Variants in GRK3 observed in about 807,000 individuals in gnomAD.
The protein encoded by GRK3 is G protein-coupled receptor kinase 3.
A neutral mutation model predicts 95.7 loss-of-function variants in GRK3; 54 were observed. The ratio of observed to expected loss-of-function variants is 0.56; its 90% CI spans 0.45 to 0.71. GRK3 has a LOEUF of 0.71. Among genes scored for constraint, GRK3 ranks in the 30% least tolerant of loss-of-function variants. GRK3 has a pLI of 0.00. For missense variants in GRK3, 649 were observed against 851.2 expected, an observed-to-expected ratio of 0.76 and a Z score of 2.96; for synonymous variants, 281 against 290.8, an observed-to-expected ratio of 0.97 and a Z score of 0.34.
At chr22:25,689,861 T>C (rs2085151361) in intron 11 of GRK3, among the ~76,000 whole-genome samples, 1 of 152,222 alleles carries the variant, frequency 6.6e-6, no homozygotes, top group African/African-American at 2.4e-5. Flanking sequence ...CTGTTGTGGC[T>C]GCGCAACAGT....
At chr22:25,598,430 G>C (rs2084386911) in intron 1 of GRK3, among the ~76,000 whole-genome samples, 1 of 152,084 alleles carries the variant, frequency 6.6e-6, no homozygotes, top group Admixed American at 6.6e-5. Context: ...CCAGCACTTT[G>C]GGAGTCTGAG....
chr22:25,665,305 T>G (rs1443293160), intron 5 of GRK3, among the ~76,000 whole-genome samples: 1 of 152,240 alleles, frequency 6.6e-6, no homozygotes, highest in East Asian at 1.9e-4. Flanking sequence ...TGTCAGAATT[T>G]CAGTTTTCAT....
chr22:25,612,371 A>G (rs1365328821), intron 2 of GRK3, among the ~76,000 whole-genome samples: 1 of 152,028 alleles, frequency 6.6e-6, no homozygotes, highest in African/African-American at 2.4e-5. Context: ...TGCTATTGTG[A>G]ATGGAATTGT....
chr22:25,714,329 A>G, intron 17 of GRK3, 79 bp from the exon 18 acceptor site: 1 of 1,228,204 alleles, frequency 8.1e-7, no homozygotes, highest in Non-Finnish European at 1.1e-6. Context: ...TGATAGAGTC[A>G]CCATGGATGT....
chr22:25,636,859 TACTGATG>T (rs1285881456), intron 2 of GRK3, among the ~76,000 whole-genome samples: 1 of 152,234 alleles, frequency 6.6e-6, no homozygotes, highest in African/African-American at 2.4e-5. Context: ...GTCTGACATT[TACTGATG>T]GTGATGGTAA....
intron 18 of GRK3, among the ~76,000 whole-genome samples, chr22:25,716,933 G>A (rs975758948): frequency 6.6e-6 from 1 of 152,142 alleles, no homozygotes; most frequent in East Asian, 1.9e-4. Context: ...GCGCACGTGA[G>A]GGATCTAGGT....
At chr22:25,647,620 A>T in intron 3 of GRK3, 1 of 1,492,976 alleles carries the variant, frequency 6.7e-7, no homozygotes. Context: ...AAAATTTCAA[A>T]TAATTAACAA....
At chr22:25,625,661 G>A (rs949597481) in intron 2 of GRK3, among the ~76,000 whole-genome samples, 3 of 152,140 alleles carry the variant, frequency 2.0e-5, no homozygotes, top group East Asian at 1.9e-4. Context: ...AGGCCTAACC[G>A]TCTCCCTGTG....
chr22:25,579,769 G>A (rs1233198181), intron 1 of GRK3, among the ~76,000 whole-genome samples: 2 of 152,100 alleles, frequency 1.3e-5, no homozygotes, highest in South Asian at 2.1e-4. Flanking sequence ...ACCGAGCCTG[G>A]CCGAGGGGAC....
chr22:25,567,974 T>C (rs1220843540), intron 1 of GRK3, among the ~76,000 whole-genome samples: 3 of 152,236 alleles, frequency 2.0e-5, no homozygotes, highest in African/African-American at 7.2e-5. Flanking sequence ...GTTGACACTT[T>C]ATTCAGTTAA....
chr22:25,618,673 T>A (rs574285744), intron 2 of GRK3, among the ~76,000 whole-genome samples: 24 of 152,344 alleles, frequency 1.6e-4, no homozygotes, highest in South Asian at 8.3e-4. Context: ...TTGAATATAC[T>A]TTGGTATGTT....
chr22:25,575,451 A>C (rs1244599523), intron 1 of GRK3, among the ~76,000 whole-genome samples: 1 of 152,216 alleles, frequency 6.6e-6, no homozygotes, highest in Non-Finnish European at 1.5e-5. Context: ...GAATTGGGTC[A>C]GTATTGAAAT....
At chr22:25,714,311 TAG>T (rs2085366137) in intron 17 of GRK3, 95 bp from the exon 18 acceptor site, 1 of 998,050 alleles carries the variant, frequency 1.0e-6, no homozygotes, top group South Asian at 1.8e-5. Flanking sequence ...TCTTCCTATA[TAG>T]AGTTATGATA....
At chr22:25,600,990 G>A (rs2084405686) in intron 1 of GRK3, among the ~76,000 whole-genome samples, 2 of 152,148 alleles carry the variant, frequency 1.3e-5, no homozygotes, top group South Asian at 2.1e-4. Flanking sequence ...AAATATTCAT[G>A]TACTTAACAA....
intron 1 of GRK3, among the ~76,000 whole-genome samples, chr22:25,586,349 T>G (rs1932303571): frequency 6.6e-6 from 1 of 152,296 alleles, no homozygotes; most frequent in African/African-American, 2.4e-5. Context: ...AATTGTACAT[T>G]TTAAAATAAA....
At chr22:25,591,094 C>T (rs1932473524) in intron 1 of GRK3, among the ~76,000 whole-genome samples, 1 of 152,168 alleles carries the variant, frequency 6.6e-6, no homozygotes, top group South Asian at 2.1e-4. Context: ...ATGGGGTTCC[C>T]AGTCTCCCAT....
intron 2 of GRK3, among the ~76,000 whole-genome samples, chr22:25,641,224 A>AATGG (rs2084740370): frequency 6.6e-6 from 1 of 152,216 alleles, no homozygotes; most frequent in East Asian, 1.9e-4. Flanking sequence ...ACTGACCGAC[A>AATGG]ATGGAGATTT....
At chr22:25,582,963 C>G (rs1286256280) in intron 1 of GRK3, among the ~76,000 whole-genome samples, 5 of 152,180 alleles carry the variant, frequency 3.3e-5, no homozygotes, top group Non-Finnish European at 7.3e-5. Flanking sequence ...TGGCATGTGA[C>G]AGAGATCTCA....
At chr22:25,576,708 GA>G in intron 1 of GRK3, among the ~76,000 whole-genome samples, 1 of 152,258 alleles carries the variant, frequency 6.6e-6, no homozygotes, top group Admixed American at 6.5e-5. Flanking sequence ...CGTATTTTCA[GA>G]AAAACCTTCA....
Sources: gnomAD v4.1 joint callset for allele counts (sites outside exome capture counted in the v4.1 genomes callset) on GRCh38, gnomAD v4.1.1 for gene constraint, MANE v1.5 for transcripts, NCBI Gene and HGNC (gene_info 2026-07-23, HGNC 2026-07-21) for gene names.